Variants in HCN1 observed in about 807,000 individuals in gnomAD.
The protein encoded by HCN1 is potassium/sodium hyperpolarization-activated cyclic nucleotide-gated channel 1.
Under a neutral mutation model 78.9 loss-of-function variants are expected in HCN1, and 13 were observed. The observed-to-expected ratio is 0.16, with a 90% CI of 0.11 to 0.26. HCN1 has a LOEUF of 0.26. HCN1 is among the 10% of genes least tolerant of loss of function. The probability of loss-of-function intolerance (pLI) is 1.00; values close to 1 mark genes in which losing one functional copy is unlikely to be tolerated. For synonymous variants in HCN1, 552 were observed against 455.5 expected (o/e 1.21, Z -2.70); for missense variants, 810 against 1,154.3 (o/e 0.70, Z 4.32).
intron 5 of HCN1, among the ~76,000 whole-genome samples, chr5:45,330,893 T>C (rs1383351473): frequency 2.6e-5 from 4 of 151,240 alleles, no homozygotes; most frequent in African/African-American, 9.7e-5. Flanking sequence ...TGAGATAATT[T>C]CTAATGGGTA....
intron 3 of HCN1, among the ~76,000 whole-genome samples, chr5:45,432,625 CA>C (rs1211016204): frequency 6.6e-6 from 1 of 152,114 alleles, no homozygotes; most frequent in Non-Finnish European, 1.5e-5. Context: ...ATAGGTTTGT[CA>C]TAGATGGCTC....
chr5:45,495,835 A>T (rs888300837), intron 2 of HCN1, among the ~76,000 whole-genome samples: 18 of 152,144 alleles, frequency 1.2e-4, no homozygotes, highest in African/African-American at 3.4e-4. Flanking sequence ...TGTCAAAGGC[A>T]TTTTCTGCAT....
chr5:45,466,842 G>C (rs1741279999), intron 2 of HCN1, among the ~76,000 whole-genome samples: 1 of 152,092 alleles, frequency 6.6e-6, no homozygotes. Flanking sequence ...ACTCTTCATA[G>C]TAATCTCTTT....
At chr5:45,317,116 C>G (rs1746011076) in intron 5 of HCN1, among the ~76,000 whole-genome samples, 1 of 152,200 alleles carries the variant, frequency 6.6e-6, no homozygotes, top group South Asian at 2.1e-4. Flanking sequence ...CAAGTCAAGC[C>G]TAAGCCGAAA....
intron 2 of HCN1, among the ~76,000 whole-genome samples, chr5:45,595,663 G>T (rs1744475307): frequency 6.6e-6 from 1 of 151,318 alleles, no homozygotes; most frequent in Admixed American, 6.6e-5. Context: ...AAATCCTGTG[G>T]TCCAGCATAC....
chr5:45,417,727 C>A (rs1191314359), intron 3 of HCN1, among the ~76,000 whole-genome samples: 3 of 126,912 alleles, frequency 2.4e-5, no homozygotes, highest in Non-Finnish European at 4.7e-5. Context: ...AAGAGCTACC[C>A]AGGGTCTCAT....
At chr5:45,505,061 T>G (rs1298274453) in intron 2 of HCN1, among the ~76,000 whole-genome samples, 5 of 152,200 alleles carry the variant, frequency 3.3e-5, no homozygotes, top group African/African-American at 1.2e-4. Flanking sequence ...GCCTGTTCAC[T>G]CTGATGGTAG....
In HCN1 at chr5:45,258,326, G is replaced by A. The variant is rs947403789; in HGVS notation, c.*3595C>T. 6.6e-6 allele frequency: 1 copy of A among 152,042 alleles called. No individual in the cohort carries two copies. Among genetic ancestry groups the A allele is most frequent in the African/African-American group, 2.4e-5 (1 of 41,394 alleles). 9.4% of individuals were successfully genotyped at this position (152,042 alleles called of 1,614,324 possible). A position where few individuals can be genotyped will look rare whatever the true frequency, so the allele number is the denominator to read the frequency against. On this transcript the variant is annotated 3_prime_UTR_variant, in exon 8 of 8. Transcript: ENST00000303230. ...CATTCTCTGTCCTATAGGAATGACG[G>A]TAATAACTTGACTATGTACTTTGTA...
intron 3 of HCN1, among the ~76,000 whole-genome samples, chr5:45,427,672 T>A (rs1276238156): frequency 6.6e-6 from 1 of 152,142 alleles, no homozygotes; most frequent in Non-Finnish European, 1.5e-5. Context: ...GTAATATTCC[T>A]AAGATATAGA....
chr5:45,303,474 A>G, intron 6 of HCN1, 125 bp downstream of exon 6: 1 of 901,470 alleles, frequency 1.1e-6, no homozygotes. Flanking sequence ...AGACACTTTT[A>G]TCAGAATTCA....
At chr5:45,687,906 C>T (rs1295538063) in intron 1 of HCN1, among the ~76,000 whole-genome samples, 1 of 152,088 alleles carries the variant, frequency 6.6e-6, no homozygotes, top group African/African-American at 2.4e-5. Flanking sequence ...GAAAAATTGG[C>T]CTGGCTCCAA....
chr5:45,625,648 C>CT (rs1745150691), intron 2 of HCN1, among the ~76,000 whole-genome samples: 1 of 151,386 alleles, frequency 6.6e-6, no homozygotes, highest in Non-Finnish European at 1.5e-5. Flanking sequence ...AACCCTACAG[C>CT]TTTTTTTTCA....
chr5:45,302,530 T>C (rs1745647637), intron 6 of HCN1, among the ~76,000 whole-genome samples: 1 of 152,060 alleles, frequency 6.6e-6, no homozygotes, highest in Admixed American at 6.6e-5. Flanking sequence ...AGCAATTTGG[T>C]GTTATTTGCC....
chr5:45,332,822 AT>A (rs573459508), intron 5 of HCN1, among the ~76,000 whole-genome samples: 67 of 150,582 alleles, frequency 4.4e-4, no homozygotes, highest in Non-Finnish European at 6.2e-4. Flanking sequence ...ACAGGATCTC[AT>A]TTTTTTTTAT....
intron 3 of HCN1, among the ~76,000 whole-genome samples, chr5:45,451,441 ACTGATTTCAGGCACATGGTAAATTTCTT>A (rs1363908385): frequency 6.6e-6 from 1 of 152,018 alleles, no homozygotes; most frequent in Non-Finnish European, 1.5e-5. Context: ...CCTAATATTT[ACTGATTTCAGGCACATGGTAAATTTCTT>A]TTCTCTTCTT....
chr5:45,504,639 GGT>G (rs1742258989), intron 2 of HCN1, among the ~76,000 whole-genome samples: 1 of 152,062 alleles, frequency 6.6e-6, no homozygotes, highest in Non-Finnish European at 1.5e-5. Flanking sequence ...TGGGTCAAAT[GGT>G]ATTTCTAGTT....
chr5:45,442,068 G>C (rs1412025668), intron 3 of HCN1, among the ~76,000 whole-genome samples: 4 of 152,024 alleles, frequency 2.6e-5, no homozygotes, highest in Admixed American at 1.3e-4. Context: ...ATCTAGGCTT[G>C]ATCTGTCAGA....
intron 4 of HCN1, among the ~76,000 whole-genome samples, chr5:45,393,534 T>C (rs1739625895): frequency 6.6e-6 from 1 of 152,210 alleles, no homozygotes; most frequent in African/African-American, 2.4e-5. Context: ...TTTGTCTTTA[T>C]AGGTTAATTC....
chr5:45,371,512 A>G (rs2112004820), intron 4 of HCN1, among the ~76,000 whole-genome samples: 1 of 151,986 alleles, frequency 6.6e-6, no homozygotes, highest in South Asian at 2.1e-4. Flanking sequence ...TAATCCCAGC[A>G]CTTTGGGAAG....
Sources: gnomAD v4.1 joint callset for allele counts (sites outside exome capture counted in the v4.1 genomes callset) on GRCh38, gnomAD v4.1.1 for gene constraint, MANE v1.5 for transcripts, NCBI Gene and HGNC (gene_info 2026-07-23, HGNC 2026-07-21) for gene names.